CNTNAP3B: variants seen among roughly 807,000 people sequenced by gnomAD.
The protein encoded by CNTNAP3B is contactin-associated protein-like 3B.
Under a neutral mutation model 108.9 loss-of-function variants are expected in CNTNAP3B, and 25 were observed. The observed-to-expected ratio is 0.23, with a 90% CI of 0.17 to 0.32. The LOEUF (loss-of-function observed/expected upper bound fraction) is 0.32, where lower values mean the gene tolerates loss of function less well. CNTNAP3B is among the 10% of genes least tolerant of loss of function. CNTNAP3B has a pLI of 1.00. For missense variants in CNTNAP3B, 252 were observed against 1,210.4 expected, an observed-to-expected ratio of 0.21 and a Z score of 11.75; for synonymous variants, 103 against 473.4, an observed-to-expected ratio of 0.22 and a Z score of 10.16.
chr9:42,044,758 A>G (rs1587226918), intron 3 of CNTNAP3B, among the ~76,000 whole-genome samples: 1 of 141,732 alleles, frequency 7.1e-6, no homozygotes, highest in African/African-American at 2.7e-5. Flanking sequence ...GGAAAAGGAT[A>G]AAGCCTGTGC....
chr9:42,041,900 G>T (rs1010529743), intron 3 of CNTNAP3B, among the ~76,000 whole-genome samples: 29 of 144,670 alleles, frequency 2.0e-4, no homozygotes, highest in Non-Finnish European at 3.5e-4. Context: ...GGAATACAAT[G>T]CAGCCATAAA....
chr9:41,975,168 A>G (rs1825501831), intron 9 of CNTNAP3B: 3 of 192,564 alleles, frequency 1.6e-5, no homozygotes, highest in South Asian at 1.4e-4. Context: ...GGTGGGGAAG[A>G]CTAGCAAATC....
intron 3 of CNTNAP3B, among the ~76,000 whole-genome samples, chr9:42,056,637 A>C (rs1222865868): frequency 7.2e-6 from 1 of 138,422 alleles, no homozygotes; most frequent in Non-Finnish European, 1.5e-5. Context: ...GGTGTGAGCC[A>C]CCGCGCCAAG....
intron 14 of CNTNAP3B, among the ~76,000 whole-genome samples, chr9:41,931,935 T>C (rs1414798629): frequency 6.6e-6 from 1 of 152,018 alleles, no homozygotes; most frequent in Non-Finnish European, 1.5e-5. Flanking sequence ...ATATTGAGAA[T>C]GTGTAAATGA....
chr9:41,956,253 G>GCGCC (rs2118170158), intron 12 of CNTNAP3B, among the ~76,000 whole-genome samples: 1 of 151,904 alleles, frequency 6.6e-6, no homozygotes, highest in East Asian at 2.0e-4. Flanking sequence ...GGGCGTGGTG[G>GCGCC]CACATGCCTG....
At chr9:41,942,973 C>T (rs1824406381) in intron 13 of CNTNAP3B, among the ~76,000 whole-genome samples, 2 of 152,246 alleles carry the variant, frequency 1.3e-5, no homozygotes, top group Admixed American at 1.3e-4. Flanking sequence ...GCAAGGTATG[C>T]TAAAGCCAAA....
At chr9:42,059,534 C>T (rs1276193632) in intron 3 of CNTNAP3B, among the ~76,000 whole-genome samples, 2 of 7,574 alleles carry the variant, frequency 2.6e-4, no homozygotes, top group Admixed American at 2.1e-3. Flanking sequence ...AGTATATAGA[C>T]CACATAACTG....
chr9:41,938,919 CCTGA>C (rs1386642449), intron 13 of CNTNAP3B, among the ~76,000 whole-genome samples: 1 of 152,192 alleles, frequency 6.6e-6, no homozygotes, highest in Non-Finnish European at 1.5e-5. Context: ...CATTGGATGT[CCTGA>C]CTCTTTATTT....
chr9:41,986,762 CA>C (rs1170936417), intron 8 of CNTNAP3B, among the ~76,000 whole-genome samples: 7 of 143,930 alleles, frequency 4.9e-5, no homozygotes, highest in African/African-American at 1.9e-4. Context: ...AAAGTTGACA[CA>C]AAATTGCACA....
intron 15 of CNTNAP3B, among the ~76,000 whole-genome samples, chr9:41,928,679 C>A (rs1405193663): frequency 6.6e-6 from 1 of 152,112 alleles, no homozygotes; most frequent in African/African-American, 2.4e-5. Context: ...CAGACTTCTC[C>A]ACGGCAATGT....
chr9:42,016,905 T>A lies in CNTNAP3B; in HGVS notation c.391-3380A>T, dbSNP rs1444527439. On this transcript the variant is annotated intron_variant, in intron 3 of 23. Coordinates refer to ENST00000377561, the MANE Select transcript of CNTNAP3B (RefSeq NM_001201380.3). ...AATCATTTATTTTTTACAGCATTCC[T>A]CTGCAATTTGTGTGTGTGTGTGGTG... Among the ~76,000 whole-genome samples, 17 of 151,728 alleles carry A rather than the reference T, an allele frequency of 1.1e-4. No homozygotes were observed. In the East Asian group the frequency reaches 3.3e-3, roughly 29 times the overall value.
intron 3 of CNTNAP3B, among the ~76,000 whole-genome samples, chr9:42,040,128 CA>C (rs1407418812): frequency 5.4e-5 from 2 of 36,810 alleles, no homozygotes; most frequent in Non-Finnish European, 1.0e-4. Context: ...CAGCCAATAT[CA>C]TACTGGATGG....
At chr9:42,117,596 T>A (rs1828348878) in intron 1 of CNTNAP3B, among the ~76,000 whole-genome samples, 1 of 138,334 alleles carries the variant, frequency 7.2e-6, no homozygotes, top group Admixed American at 7.2e-5. Context: ...ATTGACACCC[T>A]AACATCACAA....
intron 13 of CNTNAP3B, among the ~76,000 whole-genome samples, chr9:41,946,065 CAACAGAAGAGTCA>C (rs1824526271): frequency 6.6e-6 from 1 of 151,082 alleles, no homozygotes; most frequent in East Asian, 1.9e-4. Flanking sequence ...ATATACCTAG[CAACAGAAGAGTCA>C]AAATATATTA....
chr9:42,117,743 T>A (rs1328111402), intron 1 of CNTNAP3B, among the ~76,000 whole-genome samples: 1 of 135,674 alleles, frequency 7.4e-6, no homozygotes, highest in East Asian at 2.2e-4. Flanking sequence ...CAAGAGCTGG[T>A]TTTTTGGAAA....
intron 15 of CNTNAP3B, among the ~76,000 whole-genome samples, chr9:41,924,489 G>C (rs1823754324): frequency 6.6e-6 from 1 of 152,304 alleles, no homozygotes; most frequent in Admixed American, 6.5e-5. Flanking sequence ...GTCTAACTGG[G>C]AAGGGAAATA....
intron 11 of CNTNAP3B, among the ~76,000 whole-genome samples, chr9:41,961,740 A>G (rs1452058344): frequency 6.6e-6 from 1 of 152,306 alleles, no homozygotes; most frequent in Non-Finnish European, 1.5e-5. Flanking sequence ...AATTCAAGAC[A>G]GCTGAAATTC....
At chr9:41,925,496 G>A (rs1823791172) in intron 15 of CNTNAP3B, among the ~76,000 whole-genome samples, 2 of 152,270 alleles carry the variant, frequency 1.3e-5, no homozygotes, top group African/African-American at 2.4e-5. Flanking sequence ...GGGAGGCTGA[G>A]GCAGGAGAAT....
At chr9:42,109,942 C>A (rs1408972106) in intron 1 of CNTNAP3B, among the ~76,000 whole-genome samples, 1 of 138,108 alleles carries the variant, frequency 7.2e-6, no homozygotes, top group East Asian at 2.2e-4. Flanking sequence ...GAGGCACCCA[C>A]AAGGTGAGGC....
Sources: gnomAD v4.1 joint callset for allele counts (sites outside exome capture counted in the v4.1 genomes callset) on GRCh38, gnomAD v4.1.1 for gene constraint, MANE v1.5 for transcripts, NCBI Gene and HGNC (gene_info 2026-07-23, HGNC 2026-07-21) for gene names.